The following NEXMIF variants were observed in gnomAD, a reference collection of about 807,000 sequenced individuals.
NEXMIF encodes the protein XLMR protein related to neurite extension.
In NEXMIF, 8 loss-of-function variants were observed where a neutral mutation model predicts 62.1. The ratio of observed to expected loss-of-function variants is 0.13; its 90% confidence interval spans 0.08 to 0.23. The LOEUF (loss-of-function observed/expected upper bound fraction) is 0.23, where lower values mean the gene tolerates loss of function less well. Among genes scored for constraint, NEXMIF ranks in the 10% least tolerant of loss-of-function variants. NEXMIF has a pLI of 1.00. For missense variants in NEXMIF, 976 were observed against 1,113.3 expected, an observed-to-expected ratio of 0.88 and a Z score of 1.75; for synonymous variants, 404 against 416.6, an observed-to-expected ratio of 0.97 and a Z score of 0.37.
At chrX:74,867,440 T>C (rs188472373) in intron 1 of NEXMIF, among the ~76,000 whole-genome samples, 34 of 111,588 alleles carry the variant, frequency 3.0e-4, no homozygotes, top group Admixed American at 1.5e-3. Context: ...AACAGACACA[T>C]AGACCAATGG....
At chrX:74,827,820 A>G (rs1027833675) in intron 1 of NEXMIF, among the ~76,000 whole-genome samples, 2 of 111,886 alleles carry the variant, frequency 1.8e-5, no homozygotes, top group Non-Finnish European at 3.8e-5. Context: ...CACTGGATAT[A>G]GAGCAGAAAC....
intron 1 of NEXMIF, among the ~76,000 whole-genome samples, chrX:74,756,412 C>A (rs777622367): frequency 5.2e-4 from 58 of 111,634 alleles, no homozygotes; most frequent in Non-Finnish European, 8.8e-4. Context: ...AATAATTCCA[C>A]AAAAGCACCC....
At chrX:74,760,162 G>A (rs1349161129) in intron 1 of NEXMIF, among the ~76,000 whole-genome samples, 1 of 111,412 alleles carries the variant, frequency 9.0e-6, no homozygotes, top group Non-Finnish European at 1.9e-5. Context: ...ATTATGAATG[G>A]GTTTGTGTTC....
chrX:74,824,760 T>C (rs2080408973), intron 1 of NEXMIF, among the ~76,000 whole-genome samples: 1 of 109,714 alleles, frequency 9.1e-6, no homozygotes, highest in African/African-American at 3.3e-5. Context: ...GCCATTCTCC[T>C]GCCTCAGCCT....
At chrX:74,785,634 G>A (rs1399209633) in intron 1 of NEXMIF, among the ~76,000 whole-genome samples, 1 of 112,390 alleles carries the variant, frequency 8.9e-6, no homozygotes, top group Non-Finnish European at 1.9e-5. Flanking sequence ...GTTCTATTAT[G>A]CATGCCTTCC....
At chrX:74,757,400 T>C (rs2080162657) in intron 1 of NEXMIF, among the ~76,000 whole-genome samples, 1 of 112,207 alleles carries the variant, frequency 8.9e-6, no homozygotes, top group Non-Finnish European at 1.9e-5. Context: ...TATTCTTCAA[T>C]TCATCAGTGA....
At chrX:74,913,098 G>GA (rs1362674743) in intron 1 of NEXMIF, among the ~76,000 whole-genome samples, 1 of 111,927 alleles carries the variant, frequency 8.9e-6, no homozygotes, top group Non-Finnish European at 1.9e-5. Context: ...CAAACTGAAT[G>GA]AAAAAAGGCA....
chrX:74,747,724 C>T (rs1358770971), intron 1 of NEXMIF, among the ~76,000 whole-genome samples: 1 of 109,071 alleles, frequency 9.2e-6, no homozygotes, highest in Admixed American at 9.9e-5. Context: ...AAGCGATTCT[C>T]GTGTCTCAGC....
chrX:74,846,133 A>G (rs907122626), intron 1 of NEXMIF, among the ~76,000 whole-genome samples: 3 of 112,995 alleles, frequency 2.7e-5, no homozygotes, highest in Non-Finnish European at 3.7e-5. Flanking sequence ...ACCCTCAACT[A>G]GTACAGCTAC....
At chrX:74,873,633 C>T (rs1024096434) in intron 1 of NEXMIF, among the ~76,000 whole-genome samples, 32 of 111,689 alleles carry the variant, frequency 2.9e-4, no homozygotes, top group Non-Finnish European at 5.8e-4. Flanking sequence ...CCTATTTCTC[C>T]ACATCCTCTC....
intron 1 of NEXMIF, among the ~76,000 whole-genome samples, chrX:74,924,339 C>A (rs901657927): frequency 8.9e-6 from 1 of 112,486 alleles, no homozygotes; most frequent in Non-Finnish European, 1.9e-5. Flanking sequence ...GGTCTGGCCT[C>A]CAACTTAAAC....
At chrX:74,794,261 G>A (rs1331273230) in intron 1 of NEXMIF, among the ~76,000 whole-genome samples, 2 of 108,228 alleles carry the variant, frequency 1.8e-5, no homozygotes, top group Admixed American at 9.9e-5. Flanking sequence ...TGCCCCTGCT[G>A]GGGGGTGCCT....
intron 1 of NEXMIF, among the ~76,000 whole-genome samples, chrX:74,791,871 T>C (rs1028091982): frequency 9.0e-6 from 1 of 111,519 alleles, no homozygotes; most frequent in Non-Finnish European, 1.9e-5. Context: ...TCTTTTTTTC[T>C]TTATTAGTCT....
At chrX:74,815,793 C>A (rs1294710448) in intron 1 of NEXMIF, among the ~76,000 whole-genome samples, 1 of 109,777 alleles carries the variant, frequency 9.1e-6, no homozygotes, top group Non-Finnish European at 1.9e-5. Flanking sequence ...TGCCACCATT[C>A]CCGGCTAATT....
Position 74,780,535 on chromosome X carries a change from A to AT in NEXMIF, c.-47-34839dup, listed in dbSNP as rs373988039. ...AGGCGTGTGCCACCATGCCTGGCTAATTTTTTTTTTTTTGTATTTTCTCTA... is the reference window on the plus strand; with the variant it reads ...AGGCGTGTGCCACCATGCCTGGCTAATTTTTTTTTTTTTTGTATTTTCTCTA... On this transcript the variant is annotated intron_variant, in intron 1 of 3. Transcript: ENST00000055682. 4.6e-3 allele frequency among the ~76,000 whole-genome samples: 462 copies of AT among 100,862 alleles called. 2 individuals are homozygous for AT. The highest frequency in any genetic ancestry group is 0.013 in the African/African-American group (351 of 27,832). The allele number at this position is 100,862 out of a possible 115,157, so 87.6% of individuals were successfully genotyped here.
chrX:74,848,978 G>A (rs189652209), intron 1 of NEXMIF, among the ~76,000 whole-genome samples: 4 of 112,152 alleles, frequency 3.6e-5, no homozygotes, highest in Non-Finnish European at 7.5e-5. Flanking sequence ...CCAGCCTCCA[G>A]AATTGTGAAA....
chrX:74,814,951 G>A lies in NEXMIF; in HGVS notation c.-47-69254C>T, dbSNP rs6647069. 1.5e-3 allele frequency among the ~76,000 whole-genome samples: 173 copies of A among 111,875 alleles called. No homozygotes were observed. In the East Asian group the frequency reaches 0.037, roughly 24 times the overall value. ...CCCAGAGGGCACAGAATCTTTGCATGAATGGAATAAATCATGTCAATTTAA... is the reference window on the plus strand; with the variant it reads ...CCCAGAGGGCACAGAATCTTTGCATAAATGGAATAAATCATGTCAATTTAA... On this transcript the variant is annotated intron_variant, in intron 1 of 3. Coordinates refer to ENST00000055682, the MANE Select transcript of NEXMIF (RefSeq NM_001008537.3).
At chrX:74,878,837 C>T (rs1034647610) in intron 1 of NEXMIF, among the ~76,000 whole-genome samples, 3 of 112,350 alleles carry the variant, frequency 2.7e-5, no homozygotes, top group Non-Finnish European at 5.6e-5. Flanking sequence ...AATGCCTTGC[C>T]CTGCTTCAGC....
intron 1 of NEXMIF, among the ~76,000 whole-genome samples, chrX:74,875,830 C>G (rs766568812): frequency 2.7e-5 from 3 of 111,384 alleles, no homozygotes; most frequent in African/African-American, 9.8e-5. Flanking sequence ...TCTGTGGGAT[C>G]GGTGGTGATA....
Sources: gnomAD v4.1 joint callset for allele counts (sites outside exome capture counted in the v4.1 genomes callset) on GRCh38, gnomAD v4.1.1 for gene constraint, MANE v1.5 for transcripts, NCBI Gene and HGNC (gene_info 2026-07-23, HGNC 2026-07-21) for gene names.